ME3: variants seen among roughly 807,000 people sequenced by gnomAD.
The protein encoded by ME3 is NADP-dependent malic enzyme, mitochondrial.
Under a neutral mutation model 68.9 loss-of-function variants are expected in ME3, and 48 were observed. The observed-to-expected ratio is 0.70, with a 90% CI of 0.55 to 0.89. ME3 has a LOEUF of 0.89. ME3 is among the 40% of genes least tolerant of loss of function. The pLI is 0.00. For missense variants in ME3, 675 were observed against 797.4 expected, an observed-to-expected ratio of 0.85 and a Z score of 1.85; for synonymous variants, 320 against 318.8, an observed-to-expected ratio of 1.00 and a Z score of -0.04.
chr11:86,463,142 G>A (rs1950309569), intron 8 of ME3, among the ~76,000 whole-genome samples: 1 of 152,168 alleles, frequency 6.6e-6, no homozygotes, highest in Admixed American at 6.5e-5. Flanking sequence ...GGCCTGGGGG[G>A]CTGCAGGGCC....
intron 2 of ME3, among the ~76,000 whole-genome samples, chr11:86,587,785 GATAAC>G (rs1391152186): frequency 2.0e-5 from 3 of 152,118 alleles, no homozygotes; most frequent in Non-Finnish European, 2.9e-5. Flanking sequence ...CATTTAAAAA[GATAAC>G]AGAACAAATT....
At chr11:86,666,234 A>G (rs768850265) in intron 2 of ME3, among the ~76,000 whole-genome samples, 2 of 152,228 alleles carry the variant, frequency 1.3e-5, no homozygotes, top group African/African-American at 2.4e-5. Context: ...AGTGATATTT[A>G]TAACTTCCAA....
chr11:86,499,302 T>G (rs906756850), intron 5 of ME3, among the ~76,000 whole-genome samples: 4 of 152,170 alleles, frequency 2.6e-5, no homozygotes, highest in African/African-American at 9.7e-5. Flanking sequence ...CTTGAATGTC[T>G]AGCCAAGGAG....
chr11:86,614,746 A>C (rs1770079081), intron 2 of ME3, among the ~76,000 whole-genome samples: 2 of 152,092 alleles, frequency 1.3e-5, no homozygotes, highest in African/African-American at 4.8e-5. Flanking sequence ...CACTTCCCTG[A>C]GTTAAGTGTT....
chr11:86,595,272 T>C (rs1384232208), intron 2 of ME3, among the ~76,000 whole-genome samples: 1 of 128,212 alleles, frequency 7.8e-6, no homozygotes, highest in Non-Finnish European at 1.6e-5. Context: ...AATACTCTAT[T>C]TTACATATAT....
chr11:86,485,813 C>T (rs897234158), intron 7 of ME3, among the ~76,000 whole-genome samples: 1 of 152,184 alleles, frequency 6.6e-6, no homozygotes, highest in Admixed American at 6.5e-5. Flanking sequence ...ACACCCTGCT[C>T]TCTTCGTCTT....
intron 2 of ME3, among the ~76,000 whole-genome samples, chr11:86,670,760 GA>G (rs987416512): frequency 6.6e-5 from 10 of 151,376 alleles, no homozygotes; most frequent in East Asian, 1.9e-4. Context: ...GAGCAATTAT[GA>G]AAAAAAAATT....
intron 4 of ME3, among the ~76,000 whole-genome samples, chr11:86,552,306 C>T (rs1956729302): frequency 6.6e-6 from 1 of 152,210 alleles, no homozygotes; most frequent in South Asian, 2.1e-4. Context: ...GCTGCTTCTA[C>T]TACCTACAAC....
At position 86,546,374 on chromosome 11, in the gene ME3, G is replaced by C. The variant is rs571029368; in HGVS notation, c.467+10179C>G. Reference sequence around the variant, plus strand: ...AAAGAAACTGTCATCAGAGTGAACAGGCAGCCTACAGAATGGGAGAAAAAT... The same window carrying C: ...AAAGAAACTGTCATCAGAGTGAACACGCAGCCTACAGAATGGGAGAAAAAT... On this transcript the variant is annotated intron_variant, in intron 4 of 14. Transcript: ENST00000543262. Among the ~76,000 whole-genome samples the C allele has an allele frequency of 2.0e-5, 3 of 152,264 alleles. No homozygotes were observed. The South Asian group carries it at 6.2e-4, about 32-fold the overall frequency.
intron 2 of ME3, among the ~76,000 whole-genome samples, chr11:86,662,588 C>T (rs1021183209): frequency 1.8e-4 from 28 of 152,078 alleles, no homozygotes; most frequent in African/African-American, 6.8e-4. Context: ...CAGAGTAAGA[C>T]CCTGTCTGTA....
intron 2 of ME3, among the ~76,000 whole-genome samples, chr11:86,633,830 A>G (rs944002555): frequency 6.6e-6 from 1 of 152,142 alleles, no homozygotes; most frequent in African/African-American, 2.4e-5. Flanking sequence ...TTACATGTCC[A>G]CCATCTAGAG....
intron 4 of ME3, among the ~76,000 whole-genome samples, chr11:86,513,618 G>A (rs1285183614): frequency 6.6e-6 from 1 of 152,130 alleles, no homozygotes; most frequent in South Asian, 2.1e-4. Context: ...GGTGGGAATT[G>A]TACCAAACAG....
At chr11:86,555,135 A>G (rs1467680736) in intron 4 of ME3, among the ~76,000 whole-genome samples, 1 of 152,126 alleles carries the variant, frequency 6.6e-6, no homozygotes, top group Non-Finnish European at 1.5e-5. Context: ...AGGCATGGAG[A>G]AGAACATCAG....
intron 2 of ME3, chr11:86,668,374 T>C (rs1370413788): frequency 6.6e-6 from 1 of 152,250 alleles, no homozygotes; most frequent in Non-Finnish European, 1.5e-5. Flanking sequence ...TCAATGCATT[T>C]GCTATTTTTC....
chr11:86,601,048 A>G (rs1410314437), intron 2 of ME3, among the ~76,000 whole-genome samples: 1 of 152,052 alleles, frequency 6.6e-6, no homozygotes, highest in Non-Finnish European at 1.5e-5. Context: ...AAGAACTAGA[A>G]AAGGAAGAGC....
chr11:86,553,392 C>G (rs751972736), intron 4 of ME3, among the ~76,000 whole-genome samples: 3 of 152,212 alleles, frequency 2.0e-5, no homozygotes, highest in Admixed American at 1.3e-4. Context: ...GGTGCTGGCT[C>G]TCTCCCTCTT....
intron 2 of ME3, among the ~76,000 whole-genome samples, chr11:86,579,507 G>A (rs910155377): frequency 2.6e-4 from 39 of 152,204 alleles, no homozygotes; most frequent in African/African-American, 9.4e-4. Context: ...AGTGTCATGT[G>A]TCTAGCTACT....
intron 2 of ME3, among the ~76,000 whole-genome samples, chr11:86,663,717 C>T (rs1407388242): frequency 1.3e-5 from 2 of 152,130 alleles, no homozygotes; most frequent in African/African-American, 2.4e-5. Flanking sequence ...TAAAAAGAAA[C>T]CTTTGGTAGA....
intron 2 of ME3, among the ~76,000 whole-genome samples, chr11:86,644,968 T>C (rs1944905845): frequency 6.6e-6 from 1 of 152,080 alleles, no homozygotes; most frequent in South Asian, 2.1e-4. Context: ...GTTGGGGAAC[T>C]CTCTCCCTTA....
Sources: allele counts gnomAD v4.1 joint callset (sites outside exome capture counted in the v4.1 genomes callset), GRCh38; gene constraint gnomAD v4.1.1; transcripts MANE v1.5; gene names NCBI Gene and HGNC (gene_info 2026-07-23, HGNC 2026-07-21).